Variants in GET1 observed in about 807,000 individuals in gnomAD.
GET1 encodes guided entry of tail-anchored proteins factor 1, also known as congenital heart disease 5 protein.
A neutral mutation model predicts 22.6 loss-of-function variants in GET1; 20 were observed. The ratio of observed to expected loss-of-function variants is 0.89; its 90% CI spans 0.62 to 1.29. The LOEUF is 1.29. Among genes scored for constraint, GET1 ranks in the 50% most tolerant of loss-of-function variants. The pLI is 0.00. For synonymous variants in GET1, 92 were observed against 83.8 expected (o/e 1.10, Z -0.53); for missense variants, 209 against 219.9 (o/e 0.95, Z 0.31).
chr21:39,399,766 G>C (rs1402865595), downstream of GET1, among the ~76,000 whole-genome samples: 3 of 151,840 alleles, frequency 2.0e-5, no homozygotes, highest in African/African-American at 7.3e-5. Context: ...TAAAAATACT[G>C]GATATATTTT....
At chr21:39,418,613 G>C (rs1220152499) in intron 1 of GET1, among the ~76,000 whole-genome samples, 8 of 152,016 alleles carry the variant, frequency 5.3e-5, no homozygotes, top group African/African-American at 1.9e-4. Context: ...CAATTCTCCT[G>C]CCTCAGCCTC....
In GET1 at chr21:39,396,969, A is replaced by G. The variant is rs1362988403; in HGVS notation, c.*30A>G. On this transcript the variant is annotated 3_prime_UTR_variant, in exon 5 of 5. Transcript: ENST00000649170. ...GAGGATGGATACAGCCGCGAGGCTA[A>G]AAAACGGATTTCCTCTTCCTAGCTT... 1 of 1,610,582 alleles carries G rather than the reference A, an allele frequency of 6.2e-7. No homozygotes were observed. The highest frequency in any genetic ancestry group is 8.5e-7 in the Non-Finnish European group (1 of 1,177,600).
At chr21:39,396,150 C>G (rs1352392945) in intron 4 of GET1, among the ~76,000 whole-genome samples, 2 of 151,930 alleles carry the variant, frequency 1.3e-5, no homozygotes, top group Non-Finnish European at 2.9e-5. Context: ...AATCCCAGCA[C>G]TTTTGGAGGC....
At chr21:39,387,606 T>C (rs927048315) in intron 1 of GET1, among the ~76,000 whole-genome samples, 2 of 152,058 alleles carry the variant, frequency 1.3e-5, no homozygotes, top group Non-Finnish European at 2.9e-5. Context: ...CCCTACTCCC[T>C]GCGCAAAGGC....
At chr21:39,392,586 A>C (rs1222308459) in intron 3 of GET1, among the ~76,000 whole-genome samples, 1 of 152,208 alleles carries the variant, frequency 6.6e-6, no homozygotes, top group African/African-American at 2.4e-5. Flanking sequence ...TGTTCAAGCC[A>C]GGAAGGGGAC....
Position 39,390,580 on chromosome 21 carries a change from G to A in GET1, c.103-118G>A, listed in dbSNP as rs899847024. On this transcript the variant is annotated intron_variant, in intron 1 of 4. Coordinates refer to ENST00000649170, the MANE Select transcript of GET1 (RefSeq NM_004627.6). ...AGTTTGCATTCAGTCCTGCAGGGAC[G>A]CACACAACTGGCTGGGTCACAGAGT... The A allele has an allele frequency of 2.2e-5, 30 of 1,337,264 alleles. 1 individual carries two copies. Among genetic ancestry groups the A allele is most frequent in the Admixed American group, 9.4e-5 (4 of 42,484 alleles). The allele number at this position is 1,337,264 out of a possible 1,614,324, so 82.8% of individuals were successfully genotyped here.
chr21:39,394,864 T>C (rs2038535428), intron 4 of GET1, among the ~76,000 whole-genome samples: 1 of 152,078 alleles, frequency 6.6e-6, no homozygotes, highest in Admixed American at 6.6e-5. Context: ...GTACATTTCT[T>C]TTCTTTTTTT....
intron 1 of GET1, among the ~76,000 whole-genome samples, chr21:39,385,795 C>T (rs1023456158): frequency 6.6e-6 from 1 of 150,622 alleles, no homozygotes; most frequent in Non-Finnish European, 1.5e-5. Context: ...GCAAGCCGCA[C>T]GCACTGCACA....
At chr21:39,408,859 C>G (rs749309534), downstream of GET1, among the ~76,000 whole-genome samples, 9 of 152,228 alleles carry the variant, frequency 5.9e-5, no homozygotes, top group Admixed American at 1.3e-4. Context: ...GGAGCTGAAG[C>G]TGGGGTCCTT....
chr21:39,380,457 A>C lies in GET1; in HGVS notation c.73A>C (p.Arg25=). 6.2e-7 allele frequency: 1 copy of C among 1,613,170 alleles called. No individual in the cohort carries two copies. The highest frequency in any genetic ancestry group is 2.2e-5 in the East Asian group (1 of 44,872). Residue 25 remains arginine, a synonymous_variant, in exon 1 of 5, where the codon AGG becomes CGG. Transcript: ENST00000649170. ...LSFVFGCNVL[R]ILLPSFSSFM... ...CTTCGTGTTTGGATGCAATGTTCTT[A>C]GGATCCTCCTCCCGTCCTTCTCATC...
At chr21:39,394,138 T>C (rs2038487746) in intron 4 of GET1, among the ~76,000 whole-genome samples, 1 of 151,180 alleles carries the variant, frequency 6.6e-6, no homozygotes, top group South Asian at 2.2e-4. Flanking sequence ...GAGACCAGCC[T>C]GGCCAACATG....
chr21:39,393,281 G>C lies in GET1; in HGVS notation c.451+1G>C. 6.2e-7 allele frequency: 1 copy of C among 1,612,044 alleles called. No individual in the cohort carries two copies. The highest frequency in any genetic ancestry group is 2.2e-5 in the East Asian group (1 of 44,874). ...GTAGCCTTTCCTACTAGAGTAGCAG[G>C]TAAGAATTTTCTGGAAGATGCAGTG... On this transcript the variant is annotated splice_donor_variant, in intron 4 of 4. Coordinates refer to ENST00000649170, the MANE Select transcript of GET1 (RefSeq NM_004627.6). LOFTEE classifies it high-confidence loss of function.
At chr21:39,399,797 G>A (rs541499254), downstream of GET1, among the ~76,000 whole-genome samples, 31 of 152,118 alleles carry the variant, frequency 2.0e-4, no homozygotes, top group African/African-American at 7.5e-4. Context: ...GTGAAAGCAG[G>A]TATCTCTTTG....
chr21:39,395,687 C>A (rs192333124), intron 4 of GET1, among the ~76,000 whole-genome samples: 2 of 152,110 alleles, frequency 1.3e-5, no homozygotes, highest in African/African-American at 4.8e-5. Flanking sequence ...TCAAAGACTC[C>A]CAATTTAGCT....
downstream of GET1, among the ~76,000 whole-genome samples, chr21:39,398,841 C>T (rs1285442954): frequency 6.6e-6 from 1 of 150,996 alleles, no homozygotes; most frequent in East Asian, 1.9e-4. Context: ...CTGACCTCAG[C>T]TGATCCACCC....
rs992475792 is a variant in GET1, at chr21:39,380,610, C to T, written c.102+124C>T. 2.2e-5 allele frequency: 32 copies of T among 1,474,922 alleles called. No individual in the cohort carries two copies. In the African/African-American group the frequency reaches 2.5e-4, roughly 12 times the overall value. 91.4% of individuals were successfully genotyped at this position (1,474,922 alleles called of 1,614,324 possible). The stretch of plus-strand genomic sequence containing the variant: ...GGCCGTAGTAGCGTCTTGGTTGGTC[C>T]GTAAGCTTTTTTGAGATAGTTGTTA... On this transcript the variant is annotated intron_variant, in intron 1 of 4. Coordinates refer to ENST00000649170, the MANE Select transcript of GET1 (RefSeq NM_004627.6).
At position 39,390,850 on chromosome 21, in the gene GET1, G is replaced by A. The variant is rs748415260; in HGVS notation, c.255G>A (p.Lys85=). 2 of 1,614,114 alleles carry A rather than the reference G, an allele frequency of 1.2e-6. No homozygotes were observed. The highest frequency in any genetic ancestry group is 2.2e-5 in the South Asian group (2 of 91,080). The change falls in exon 2 of 5, where the codon AAG becomes AAA. Residue 85 remains lysine, a synonymous_variant. Coordinates refer to ENST00000649170, the MANE Select transcript of GET1 (RefSeq NM_004627.6). ...LERKINKMTD[K]LKTHVKARTA... ...GAAAGATCAACAAGATGACGGATAA[G>A]CTCAAAACCCATGGTACTGTGTCCC...
chr21:39,390,616 T>C, intron 1 of GET1, 82 bp from the exon 2 acceptor site: 3 of 1,549,556 alleles, frequency 1.9e-6, no homozygotes, highest in Non-Finnish European at 2.6e-6. Context: ...GGTCAGGGCA[T>C]AGACAGAAAG....
At chr21:39,396,760 T>C (rs2038682213) in intron 4 of GET1, 106 bp from the exon 5 acceptor site, 5 of 1,034,440 alleles carry the variant, frequency 4.8e-6, no homozygotes, top group Non-Finnish European at 7.5e-6. Flanking sequence ...CCAGCACTGC[T>C]CAAAAAGAAT....
Sources: allele counts gnomAD v4.1 joint callset (sites outside exome capture counted in the v4.1 genomes callset), GRCh38; gene constraint gnomAD v4.1.1; transcripts MANE v1.5; gene names NCBI Gene and HGNC (gene_info 2026-07-23, HGNC 2026-07-21).